Variants in HDAC4 observed in about 807,000 individuals in gnomAD.
HDAC4 encodes histone deacetylase 4.
In HDAC4, 16 loss-of-function variants were observed where a neutral mutation model predicts 135.1. That is an observed-to-expected ratio of 0.12 (90% CI 0.08 to 0.18). The LOEUF (loss-of-function observed/expected upper bound fraction) is 0.18. Ranked by LOEUF, HDAC4 falls within the 10% of genes least tolerant of loss-of-function variation. The probability of loss-of-function intolerance (pLI) is 1.00; values close to 1 mark genes in which losing one functional copy is unlikely to be tolerated. For missense variants in HDAC4, 1,143 were observed against 1,511.8 expected (o/e 0.76, Z 4.05); for synonymous variants, 685 against 653.4 (o/e 1.05, Z -0.74).
chr2:239,231,160 C>G (rs1198383120), intron 3 of HDAC4, among the ~76,000 whole-genome samples: 2 of 152,236 alleles, frequency 1.3e-5, no homozygotes, highest in East Asian at 1.9e-4. Flanking sequence ...TTAAAAAGAG[C>G]CTCCCTAACT....
At chr2:239,074,880 A>C (rs1022660299) in intron 22 of HDAC4, among the ~76,000 whole-genome samples, 2 of 152,228 alleles carry the variant, frequency 1.3e-5, no homozygotes, top group African/African-American at 4.8e-5. Context: ...TGCTGCAAAA[A>C]ATGGGAAACT....
At chr2:239,296,952 T>C (rs530482152) in intron 2 of HDAC4, among the ~76,000 whole-genome samples, 2 of 146,954 alleles carry the variant, frequency 1.4e-5, no homozygotes, top group African/African-American at 5.1e-5. Flanking sequence ...AGTGATCAGC[T>C]CTCCAGATGG....
At chr2:239,317,720 C>T (rs2053165554) in intron 2 of HDAC4, among the ~76,000 whole-genome samples, 1 of 152,220 alleles carries the variant, frequency 6.6e-6, no homozygotes, top group African/African-American at 2.4e-5. Flanking sequence ...AAGTTAACTA[C>T]AGGAGTCCAC....
intron 1 of HDAC4, among the ~76,000 whole-genome samples, chr2:239,369,443 C>T (rs1257364812): frequency 2.0e-5 from 3 of 152,158 alleles, no homozygotes; most frequent in Non-Finnish European, 4.4e-5. Context: ...CCCGCTAACC[C>T]GGTTGGTTTC....
intron 4 of HDAC4, among the ~76,000 whole-genome samples, chr2:239,185,640 C>T (rs2044501629): frequency 6.6e-6 from 1 of 152,256 alleles, no homozygotes; most frequent in East Asian, 1.9e-4. Flanking sequence ...CTGGAGCATG[C>T]TCTAGCCATG....
At chr2:239,082,457 T>C (rs112513490) in intron 20 of HDAC4, among the ~76,000 whole-genome samples, 3,205 of 152,314 alleles carry the variant, frequency 0.021, 44 homozygotes, top group South Asian at 0.05. Flanking sequence ...TGCAGCACTG[T>C]TTCCCTCGCC....
chr2:239,283,327 T>A (rs1229632563), intron 2 of HDAC4, among the ~76,000 whole-genome samples: 1 of 152,168 alleles, frequency 6.6e-6, no homozygotes, highest in Non-Finnish European at 1.5e-5. Flanking sequence ...AGGAAGGGGC[T>A]CCCGGCAGCA....
chr2:239,296,099 T>C, intron 2 of HDAC4, among the ~76,000 whole-genome samples: 1 of 152,200 alleles, frequency 6.6e-6, no homozygotes, highest in East Asian at 1.9e-4. Context: ...TGGTCCAAAG[T>C]TAATCCAGCA....
In HDAC4 at chr2:239,352,903, G is replaced by T; in HGVS notation, c.-204C>A. The T allele has an allele frequency of 1.6e-6, 1 of 609,134 alleles. No individual in the cohort carries two copies. 37.7% of individuals were successfully genotyped at this position (609,134 alleles called of 1,614,324 possible). On this transcript the variant is annotated 5_prime_UTR_variant, in exon 2 of 27. Coordinates refer to ENST00000543185, the MANE Select transcript of HDAC4 (RefSeq NM_001378414.1). This position sits in a 1 kb window ranked among gnomAD's most constrained non-coding sequence, Gnocchi z 4.4. The stretch of plus-strand genomic sequence containing the variant: ...ACAAGTTGAACAGAGGCGTCCGCTG[G>T]CTTCTGCAGATGAACCTGCAAGGTC...
chr2:239,149,730 CACACAGCCATGCCCGCCCTTG>C, intron 7 of HDAC4, among the ~76,000 whole-genome samples: 1 of 152,160 alleles, frequency 6.6e-6, no homozygotes, highest in Non-Finnish European at 1.5e-5. Context: ...AGGGGGCAAG[CACACAGCCATGCCCGCCCTTG>C]ACTGACGGTG....
At chr2:239,264,080 G>A (rs1024606453) in intron 2 of HDAC4, among the ~76,000 whole-genome samples, 2 of 152,144 alleles carry the variant, frequency 1.3e-5, no homozygotes, top group Non-Finnish European at 2.9e-5. Flanking sequence ...CACAGCCCTG[G>A]AAAGGAGGGG....
chr2:239,364,940 G>T (rs1694092259), intron 1 of HDAC4, among the ~76,000 whole-genome samples: 3 of 152,190 alleles, frequency 2.0e-5, no homozygotes, highest in Admixed American at 2.0e-4. Flanking sequence ...TGCAAACACA[G>T]GGTGCAGATT....
At chr2:239,182,674 G>C (rs78530559) in intron 4 of HDAC4, among the ~76,000 whole-genome samples, 1 of 152,164 alleles carries the variant, frequency 6.6e-6, no homozygotes, top group African/African-American at 2.4e-5. Flanking sequence ...CCTGCAAAGT[G>C]AAAGCCATCA....
Position 239,189,823 on chromosome 2 carries a change from C to T in HDAC4, c.339+10G>A, listed in dbSNP as rs199918439. Reference sequence around the variant, plus strand: ...GCCTGGCCCACCCGCAGCCCCGCACCGCGCCTCACCTTGATGTGCTCGTGG... The same window carrying T: ...GCCTGGCCCACCCGCAGCCCCGCACTGCGCCTCACCTTGATGTGCTCGTGG... On this transcript the variant is annotated intron_variant, in intron 4 of 26. Transcript: ENST00000543185. 34 of 1,602,056 alleles carry T rather than the reference C, an allele frequency of 2.1e-5. No homozygotes were observed. The highest frequency in any genetic ancestry group is 1.3e-4 in the Admixed American group (8 of 59,844).
intron 2 of HDAC4, among the ~76,000 whole-genome samples, chr2:239,268,207 C>T (rs987352674): frequency 1.3e-5 from 2 of 152,248 alleles, no homozygotes; most frequent in African/African-American, 4.8e-5. Flanking sequence ...TGGTCCTCAG[C>T]AAACTGGGAA....
At chr2:239,346,699 C>T (rs1218352977) in intron 2 of HDAC4, among the ~76,000 whole-genome samples, 1 of 151,486 alleles carries the variant, frequency 6.6e-6, no homozygotes, top group Non-Finnish European at 1.5e-5. Flanking sequence ...AAAACACACA[C>T]CCTAACACAC....
intron 1 of HDAC4, among the ~76,000 whole-genome samples, chr2:239,388,858 T>C (rs1409274172): frequency 6.6e-6 from 1 of 152,182 alleles, no homozygotes; most frequent in East Asian, 1.9e-4. Flanking sequence ...CCACTGGCCA[T>C]TTTGGCACAC....
Position 239,285,860 on chromosome 2 carries a change from G to C in HDAC4, c.23-49196C>G, listed in dbSNP as rs1326338622. Among the ~76,000 whole-genome samples the C allele has an allele frequency of 6.6e-6, 1 of 152,136 alleles. No individual in the cohort carries two copies. The highest frequency in any genetic ancestry group is 6.5e-5 in the Admixed American group (1 of 15,274). ...CTGCAGCGTTCAGGATGCAGGGGCT[G>C]GAGTCCAGGGCAGCTCCCAGGAAAT... On this transcript the variant is annotated intron_variant, in intron 2 of 26. Transcript: ENST00000543185. This position sits in a 1 kb window ranked among gnomAD's most constrained non-coding sequence, Gnocchi z 4.5.
chr2:239,275,412 C>G (rs1044838443), intron 2 of HDAC4, among the ~76,000 whole-genome samples: 32 of 152,252 alleles, frequency 2.1e-4, no homozygotes, highest in African/African-American at 7.7e-4. Context: ...CTTGCTGATT[C>G]ACCAAGAAAC....
Sources: allele counts gnomAD v4.1 joint callset (sites outside exome capture counted in the v4.1 genomes callset), GRCh38; gene constraint gnomAD v4.1.1; non-coding constraint Gnocchi (gnomAD v3.1); transcripts MANE v1.5; gene names NCBI Gene and HGNC (gene_info 2026-07-23, HGNC 2026-07-21).